Variants in NYAP2 observed in about 807,000 individuals in gnomAD.
NYAP2 encodes the protein neuronal tyrosine-phosphorylated phosphoinositide-3-kinase adapter 2.
A neutral mutation model predicts 50.4 loss-of-function variants in NYAP2; 23 were observed. The observed-to-expected ratio is 0.46, with a 90% CI of 0.33 to 0.65. The LOEUF (loss-of-function observed/expected upper bound fraction) is 0.65, where lower values mean the gene tolerates loss of function less well. NYAP2 is among the 30% of genes least tolerant of loss of function. The pLI is 0.02. For synonymous variants in NYAP2, 394 were observed against 365.2 expected (o/e 1.08, Z -0.90); for missense variants, 885 against 861.0 (o/e 1.03, Z -0.35).
chr2:225,649,688 G>A (rs1693697099), intron 6 of NYAP2, among the ~76,000 whole-genome samples: 2 of 152,166 alleles, frequency 1.3e-5, no homozygotes, highest in African/African-American at 4.8e-5. Context: ...GTTGTTTAAT[G>A]TCTATGTTTA....
intron 3 of NYAP2, among the ~76,000 whole-genome samples, chr2:225,445,250 G>C (rs1343658951): frequency 6.6e-6 from 1 of 151,842 alleles, no homozygotes; most frequent in Non-Finnish European, 1.5e-5. Context: ...TTTTCCTAAA[G>C]TTTTTTAGGA....
chr2:225,497,628 A>T (rs900440712), intron 3 of NYAP2, among the ~76,000 whole-genome samples: 2 of 152,248 alleles, frequency 1.3e-5, no homozygotes, highest in Non-Finnish European at 2.9e-5. Flanking sequence ...TCCCACAAGG[A>T]TCCTGAGGGA....
intron 3 of NYAP2, among the ~76,000 whole-genome samples, chr2:225,419,156 G>A (rs1695173556): frequency 1.3e-5 from 2 of 152,238 alleles, no homozygotes; most frequent in Admixed American, 1.3e-4. Context: ...ACACTCGGCT[G>A]CTTTCCAGTT....
At chr2:225,684,714 A>G in the NYAP2 span, among the ~76,000 whole-genome samples, 2 of 151,816 alleles carry the variant, frequency 1.3e-5, no homozygotes, top group African/African-American at 4.8e-5. Context: ...TCATGCCCAG[A>G]TAATTTTTGT....
At chr2:225,657,100 TC>T (rs1164866983), downstream of NYAP2, among the ~76,000 whole-genome samples, 1 of 140,048 alleles carries the variant, frequency 7.1e-6, no homozygotes, top group African/African-American at 2.7e-5. Flanking sequence ...GAAATCTAAT[TC>T]CTTTTTTTTT....
chr2:225,651,894 A>ACTGT (rs1264450237), exon 7 of NYAP2: 2 of 209,458 alleles, frequency 9.5e-6, no homozygotes, highest in Admixed American at 1.1e-4. Flanking sequence ...GTACTTTTAT[A>ACTGT]CTGTCTCTGA....
At chr2:225,507,075 C>T (rs1690720531) in intron 3 of NYAP2, among the ~76,000 whole-genome samples, 1 of 152,190 alleles carries the variant, frequency 6.6e-6, no homozygotes, top group Admixed American at 6.5e-5. Context: ...GGCAACCCTT[C>T]AGTTTGTATC....
chr2:225,554,636 A>G (rs974184966), intron 4 of NYAP2, among the ~76,000 whole-genome samples: 3 of 151,958 alleles, frequency 2.0e-5, no homozygotes, highest in African/African-American at 4.8e-5. Context: ...TTTATCTTAT[A>G]TAGAGAATAA....
chr2:225,406,614 A>C (rs753937826), intron 2 of NYAP2, among the ~76,000 whole-genome samples: 11 of 152,020 alleles, frequency 7.2e-5, no homozygotes, highest in Admixed American at 3.3e-4. Flanking sequence ...ATTAGGTGGC[A>C]GGAGCATGTG....
Position 225,582,733 on chromosome 2 carries a change from C to T in NYAP2, c.1316C>T (p.Pro439Leu). Residue 439 changes from proline (P) to leucine (L), a missense_variant, in exon 5 of 7, where the codon CCC becomes CTC. Transcript: ENST00000636099. The surrounding 1 kb of genome is among the most constrained non-coding windows in gnomAD (Gnocchi z 7.0). ...AAAAGTCACTCCACCTCTCCCTCCC[C>T]CGTCAGCATGGGGAGGTCCCTGACT... 6.2e-7 allele frequency: 1 copy of T among 1,612,712 alleles called. No homozygotes were observed. The highest frequency in any genetic ancestry group is 8.5e-7 in the Non-Finnish European group (1 of 1,179,020).
downstream of NYAP2, among the ~76,000 whole-genome samples, chr2:225,655,435 T>C (rs1019832630): frequency 6.6e-6 from 1 of 152,192 alleles, no homozygotes; most frequent in Admixed American, 6.5e-5. Flanking sequence ...GAAATCAGAC[T>C]GAATTTTTGT....
At chr2:225,546,237 G>A (rs1303711054) in intron 4 of NYAP2, among the ~76,000 whole-genome samples, 5 of 152,128 alleles carry the variant, frequency 3.3e-5, no homozygotes, top group African/African-American at 1.2e-4. Context: ...AGCAGTTGCT[G>A]AAGCCAGCCA....
At chr2:225,466,808 T>C (rs1689926267) in intron 3 of NYAP2, among the ~76,000 whole-genome samples, 2 of 152,174 alleles carry the variant, frequency 1.3e-5, no homozygotes, top group African/African-American at 4.8e-5. Context: ...TGCAAATCCA[T>C]ACAGGCCTGC....
chr2:225,664,162 G>A, the NYAP2 span, among the ~76,000 whole-genome samples: 2 of 152,124 alleles, frequency 1.3e-5, no homozygotes, highest in Non-Finnish European at 2.9e-5. Flanking sequence ...TACTATCTGA[G>A]TTTCAAATTT....
In NYAP2 at chr2:225,589,664, C is replaced by T. The variant is rs551228035; in HGVS notation, c.1618+6629C>T. Among the ~76,000 whole-genome samples the T allele has an allele frequency of 7.9e-5, 12 of 151,490 alleles. No individual in the cohort carries two copies. In the East Asian group the frequency reaches 2.3e-3, roughly 29 times the overall value. The stretch of plus-strand genomic sequence containing the variant: ...GAACTATAATCACACCATTGCTCTC[C>T]AGACTGGGTAACAGAGCAAGACCCT... On this transcript the variant is annotated intron_variant, in intron 5 of 6. Coordinates refer to ENST00000636099, the Ensembl canonical transcript of NYAP2.
At chr2:225,465,331 C>T (rs1160763058) in intron 3 of NYAP2, among the ~76,000 whole-genome samples, 1 of 152,060 alleles carries the variant, frequency 6.6e-6, no homozygotes, top group Non-Finnish European at 1.5e-5. Flanking sequence ...ACCTCTGTGA[C>T]CCTACATTTT....
chr2:225,627,330 A>G (rs1693228199), intron 6 of NYAP2, among the ~76,000 whole-genome samples: 1 of 152,220 alleles, frequency 6.6e-6, no homozygotes, highest in Non-Finnish European at 1.5e-5. Flanking sequence ...CAGAGATGAA[A>G]GATACCTGAA....
chr2:225,691,676 G>C, the NYAP2 span, among the ~76,000 whole-genome samples: 1 of 152,070 alleles, frequency 6.6e-6, no homozygotes, highest in Non-Finnish European at 1.5e-5. Flanking sequence ...CTAAAGACAG[G>C]ACAAGCACAG....
chr2:225,581,700 A>C (rs1424685826), intron 4 of NYAP2, among the ~76,000 whole-genome samples: 4 of 152,180 alleles, frequency 2.6e-5, no homozygotes, highest in Non-Finnish European at 5.9e-5. Context: ...TCCTGGTTTT[A>C]ATGCATTTAT....
Sources: gnomAD v4.1 joint callset for allele counts (sites outside exome capture counted in the v4.1 genomes callset) on GRCh38, gnomAD v4.1.1 for gene constraint, Gnocchi (gnomAD v3.1) non-coding constraint, MANE v1.5 for transcripts, NCBI Gene and HGNC (gene_info 2026-07-23, HGNC 2026-07-21) for gene names.